Variants in HDAC9 observed in about 807,000 individuals in gnomAD.
The protein encoded by HDAC9 is histone deacetylase 9, also known as MEF-2 interacting transcription repressor (MITR) protein.
Under a neutral mutation model 139.4 loss-of-function variants are expected in HDAC9, and 41 were observed. The observed-to-expected ratio is 0.29, with a 90% CI of 0.23 to 0.38. HDAC9 has a LOEUF of 0.38. Among genes scored for constraint, HDAC9 ranks in the 10% least tolerant of loss-of-function variants. The pLI, the probability that HDAC9 is intolerant of heterozygous loss-of-function variation, is 1.00. For synonymous variants in HDAC9, 517 were observed against 476.2 expected, an observed-to-expected ratio of 1.09 and a Z score of -1.12; for missense variants, 1,147 against 1,297.0, an observed-to-expected ratio of 0.88 and a Z score of 1.78.
intron 16 of HDAC9, among the ~76,000 whole-genome samples, chr7:18,792,369 G>A (rs186314064): frequency 1.8e-4 from 27 of 150,418 alleles, no homozygotes; most frequent in Non-Finnish European, 3.4e-4. Context: ...TCTATTTCCT[G>A]GTGCTTCAAA....
chr7:18,132,121 T>C (rs1429306604), intron 1 of HDAC9, among the ~76,000 whole-genome samples: 2 of 152,136 alleles, frequency 1.3e-5, no homozygotes, highest in Non-Finnish European at 1.5e-5. Flanking sequence ...TTCATTTACT[T>C]CCCTCCCTTT....
At chr7:18,810,244 G>A (rs1325286395) in intron 17 of HDAC9, among the ~76,000 whole-genome samples, 1 of 151,756 alleles carries the variant, frequency 6.6e-6, no homozygotes, top group Non-Finnish European at 1.5e-5. Flanking sequence ...AAGAAAGAAA[G>A]GAAAACACAA....
chr7:18,342,432 G>T (rs983620211), intron 1 of HDAC9, among the ~76,000 whole-genome samples: 2 of 151,748 alleles, frequency 1.3e-5, no homozygotes, highest in Admixed American at 6.6e-5. Flanking sequence ...TAAAATGTTT[G>T]CTTCAAATAT....
intron 25 of HDAC9, among the ~76,000 whole-genome samples, chr7:18,978,952 T>G (rs1419365360): frequency 6.6e-6 from 1 of 152,196 alleles, no homozygotes; most frequent in African/African-American, 2.4e-5. Flanking sequence ...GTGTGTGTTT[T>G]TTTTTTAACT....
At chr7:18,414,947 G>C (rs1442723212) in intron 1 of HDAC9, among the ~76,000 whole-genome samples, 2 of 152,004 alleles carry the variant, frequency 1.3e-5, no homozygotes, top group African/African-American at 4.8e-5. Context: ...GCTTTCCGTG[G>C]CTTCCTACCT....
chr7:18,758,081 A>G (rs1204882239), intron 14 of HDAC9, among the ~76,000 whole-genome samples: 6 of 152,192 alleles, frequency 3.9e-5, no homozygotes, highest in Non-Finnish European at 5.9e-5. Flanking sequence ...TAAGGTAACA[A>G]TGAACACAGT....
At chr7:18,286,280 A>C (rs934079414), upstream of HDAC9, among the ~76,000 whole-genome samples, 5 of 151,824 alleles carry the variant, frequency 3.3e-5, no homozygotes, top group African/African-American at 4.8e-5. Context: ...AAATTGTATC[A>C]TCATTATTTT....
At chr7:18,162,403 T>C in intron 2 of HDAC9, 1 of 1,464,978 alleles carries the variant, frequency 6.8e-7, no homozygotes, top group South Asian at 1.2e-5. Context: ...AAGATGTTGC[T>C]TTGTGTTGTT....
intron 24 of HDAC9, among the ~76,000 whole-genome samples, chr7:18,963,259 G>A (rs1783639140): frequency 6.6e-6 from 1 of 152,142 alleles, no homozygotes; most frequent in Non-Finnish European, 1.5e-5. Flanking sequence ...TAATGCACAA[G>A]AAATCTTAAG....
chr7:18,165,019 C>A (rs1227566314), intron 2 of HDAC9, among the ~76,000 whole-genome samples: 1 of 152,148 alleles, frequency 6.6e-6, no homozygotes, highest in Non-Finnish European at 1.5e-5. Flanking sequence ...ATGGGAGAGA[C>A]AAATAGTAAT....
At chr7:18,349,402 T>C (rs1274899601) in intron 1 of HDAC9, among the ~76,000 whole-genome samples, 1 of 151,584 alleles carries the variant, frequency 6.6e-6, no homozygotes, top group African/African-American at 2.4e-5. Context: ...TTTTTCTCTA[T>C]AGCAGTGATC....
intron 21 of HDAC9, among the ~76,000 whole-genome samples, chr7:18,862,251 T>C (rs1026589994): frequency 5.9e-5 from 9 of 152,158 alleles, no homozygotes; most frequent in Non-Finnish European, 5.9e-5. Flanking sequence ...CAACTTTTCT[T>C]ATCAAATGCA....
chr7:18,238,364 C>T (rs772316021), intron 2 of HDAC9, among the ~76,000 whole-genome samples: 3 of 152,190 alleles, frequency 2.0e-5, no homozygotes, highest in Non-Finnish European at 4.4e-5. Flanking sequence ...TAACATCAGT[C>T]ATAACCACGT....
At chr7:18,138,405 A>G (rs1378793058) in intron 1 of HDAC9, among the ~76,000 whole-genome samples, 1 of 152,020 alleles carries the variant, frequency 6.6e-6, no homozygotes, top group African/African-American at 2.4e-5. Flanking sequence ...CAAATGGTGT[A>G]AGAAGGGTTT....
intron 12 of HDAC9, chr7:18,667,372 T>C (rs1795129903): frequency 2.0e-6 from 2 of 981,112 alleles, no homozygotes; most frequent in Non-Finnish European, 2.4e-6. Context: ...AAAGAAGGTG[T>C]ATCATATTTT....
intron 6 of HDAC9, among the ~76,000 whole-genome samples, chr7:18,626,361 A>T (rs1053015540): frequency 1.3e-5 from 2 of 152,328 alleles, no homozygotes; most frequent in East Asian, 1.9e-4. Flanking sequence ...GTGAAATCCA[A>T]CCAGCAAAGA....
In HDAC9 at chr7:18,629,496, G is replaced by C. The variant is rs1418984385; in HGVS notation, c.796+15G>C. ...TGAGGTGACAGGTAATTGAGGACTG[G>C]GCAGACCTATGAATGCTGGGAGTAG... On this transcript the variant is annotated intron_variant, in intron 7 of 25. Transcript: ENST00000686413. 1.2e-6 allele frequency: 2 copies of C among 1,607,446 alleles called. No individual in the cohort carries two copies. Among genetic ancestry groups the C allele is most frequent in the African/African-American group, 2.7e-5 (2 of 74,576 alleles).
intron 1 of HDAC9, among the ~76,000 whole-genome samples, chr7:18,149,318 A>T (rs1368807249): frequency 6.7e-6 from 1 of 149,824 alleles, no homozygotes; most frequent in Admixed American, 6.6e-5. Flanking sequence ...ATAATATTTA[A>T]CAACATATTA....
rs1480747920 is a variant in HDAC9 at position 18,407,130 on chromosome 7, C to G, written c.-41-89132C>G. On this transcript the variant is annotated intron_variant, in intron 1 of 3. Transcript: ENST00000413509. ...TTTCTAAACTTCCGAAGTCTAAGGT[C>G]TGGTCCTTTTTTCTTTCACTCCAGA... 2.0e-5 allele frequency among the ~76,000 whole-genome samples: 3 copies of G among 152,134 alleles called. No individual in the cohort carries two copies. The East Asian group carries it at 5.8e-4, about 29-fold the overall frequency.
Sources: allele counts gnomAD v4.1 joint callset (sites outside exome capture counted in the v4.1 genomes callset), GRCh38; gene constraint gnomAD v4.1.1; transcripts MANE v1.5; gene names NCBI Gene and HGNC (gene_info 2026-07-23, HGNC 2026-07-21).